The following PMEL variants were observed in gnomAD, a reference collection of about 807,000 sequenced individuals.
PMEL encodes the protein melanocyte protein PMEL.
A neutral mutation model predicts 64.9 loss-of-function variants in PMEL; 53 were observed. That is an observed-to-expected ratio of 0.82 (90% CI 0.66 to 1.03). PMEL has a LOEUF of 1.03. PMEL is among the 50% of genes least tolerant of loss of function. The pLI is 0.00. For synonymous variants in PMEL, 299 were observed against 316.2 expected (o/e 0.95, Z 0.58); for missense variants, 716 against 814.9 (o/e 0.88, Z 1.48).
At chr12:55,964,377 C>A (rs1889209654) in intron 1 of PMEL, among the ~76,000 whole-genome samples, 1 of 151,996 alleles carries the variant, frequency 6.6e-6, no homozygotes, top group Non-Finnish European at 1.5e-5. Flanking sequence ...TCAGGCTGGT[C>A]TCAAACTCCC....
rs1432857197 is a variant in PMEL, at chr12:55,954,151, G to A, written c.*63C>T. ...CAGTTAATAGTAGTCTCCCAGGGAA[G>A]ACTGGGGGAAATATAGGTGTTTCTG... On this transcript the variant is annotated 3_prime_UTR_variant, in exon 11 of 11. Coordinates refer to ENST00000548747, the MANE Select transcript of PMEL (RefSeq NM_001384361.1). The A allele has an allele frequency of 4.8e-6, 7 of 1,467,310 alleles. No individual in the cohort carries two copies. Among genetic ancestry groups the A allele is most frequent in the Non-Finnish European group, 6.5e-6 (7 of 1,074,892 alleles). 90.9% of individuals were successfully genotyped at this position (1,467,310 alleles called of 1,614,324 possible).
At position 55,958,581 on chromosome 12, in the gene PMEL, C is replaced by A. The variant is rs1361351156; in HGVS notation, c.361G>T (p.Val121Leu). 1 of 1,614,092 alleles carries A rather than the reference C, an allele frequency of 6.2e-7. No homozygotes were observed. The highest frequency in any genetic ancestry group is 1.1e-5 in the South Asian group (1 of 91,078). ...GCATCGTCAGTTTCCTGGGGATACA[C>A]TGGCTGTCCTCCCCACACCTGGCTC... ...NGSQVWGGQP[V>L]YPQETDDACI... Residue 121 changes from valine (V) to leucine (L), a missense_variant, in exon 4 of 11, where the codon GTG (valine) becomes TTG (leucine). Transcript: ENST00000548747.
intron 1 of PMEL, among the ~76,000 whole-genome samples, chr12:55,963,228 G>A (rs747998940): frequency 2.0e-5 from 3 of 152,278 alleles, no homozygotes; most frequent in South Asian, 2.1e-4. Flanking sequence ...GGCAAGCAGT[G>A]AGGAGGATGG....
chr12:55,966,515 A>C, upstream of PMEL: 1 of 268,452 alleles, frequency 3.7e-6, no homozygotes, highest in Non-Finnish European at 6.0e-6. Context: ...AGGTCGATAC[A>C]TATTTTCCCC....
chr12:55,960,251 A>G (rs568653311), intron 3 of PMEL, among the ~76,000 whole-genome samples: 48 of 151,372 alleles, frequency 3.2e-4, no homozygotes, highest in East Asian at 1.9e-3. Flanking sequence ...GAAAAGAAAA[A>G]AAAAGAAATG....
chr12:55,955,846 C>G lies in PMEL; in HGVS notation c.1489G>C (p.Glu497Gln), dbSNP rs768939186. 1 of 1,614,044 alleles carries G rather than the reference C, an allele frequency of 6.2e-7. No homozygotes were observed. Reference protein sequence around the residue: ...LDIVQGIESAEILQAVPSGEG... With the variant: ...LDIVQGIESAQILQAVPSGEG... ...CCGGACGGCACAGCCTGCAGGATCT[C>G]GGCACTTTCAATACCCTCTGCAGAG... The change falls in exon 8 of 11, where the codon GAG becomes CAG. Residue 497 changes from glutamate to glutamine, a missense_variant. Physicochemically the swap from Glu to Gln is conservative, Grantham distance 29. Transcript: ENST00000548747.
upstream of PMEL, chr12:55,966,254 G>A (rs1436067698): frequency 3.4e-6 from 2 of 585,920 alleles, no homozygotes; most frequent in Non-Finnish European, 3.0e-6. Flanking sequence ...ATGCACTCCC[G>A]GGCAAGAGCT....
upstream of PMEL, chr12:55,966,607 G>T (rs1027504100): frequency 1.4e-5 from 13 of 909,844 alleles, no homozygotes; most frequent in Non-Finnish European, 1.7e-5. Context: ...ACCCAAAGCA[G>T]GTACTTGGGA....
At chr12:55,956,805 G>A in intron 6 of PMEL, 144 bp downstream of exon 6, 1 of 801,374 alleles carries the variant, frequency 1.2e-6, no homozygotes. Flanking sequence ...GAGACTGGAG[G>A]GCTTTATAGC....
chr12:55,962,125 T>C (rs944400972), intron 1 of PMEL, among the ~76,000 whole-genome samples: 4 of 151,162 alleles, frequency 2.6e-5, no homozygotes, highest in African/African-American at 9.7e-5. Context: ...CGTGAGCCAC[T>C]GCGCCCGGCT....
At chr12:55,962,471 A>C (rs1449926395) in intron 1 of PMEL, among the ~76,000 whole-genome samples, 3 of 134,070 alleles carry the variant, frequency 2.2e-5, no homozygotes, top group Non-Finnish European at 4.7e-5. Flanking sequence ...AAAAAAAAAA[A>C]CACAAAAAAC....
chr12:55,957,943 C>G lies in PMEL; in HGVS notation c.611G>C (p.Ser204Thr), dbSNP rs1247079912. Residue 204 changes from serine (S) to threonine (T), a missense_variant, in exon 5 of 11, where the codon AGC (serine) becomes ACC (threonine). Transcript: ENST00000548747. The stretch of plus-strand genomic sequence containing the variant: ...CTTACCAGTAATGGTGAAGGCTGAG[C>G]TGGAATGAGCAAGAGGCACATAGCT... ...SRSYVPLAHSSSAFTITDQVP... is the reference protein window; with the variant it reads ...SRSYVPLAHSTSAFTITDQVP... 6.2e-7 allele frequency: 1 copy of G among 1,614,056 alleles called. No homozygotes were observed. The highest frequency in any genetic ancestry group is 1.7e-5 in the Admixed American group (1 of 60,002).
rs375835597 is a variant in PMEL at position 55,955,300 on chromosome 12, A to G, written c.1824T>C (p.Ala608=). ...TATATATCAGAGATGCAAGGACCAC[A>G]GCCATCAACACCAGCAAGATGCCCA... The part of the protein sequence containing the change: ...LIVGILLVLM[A]VVLASLIYRR... The change falls in exon 10 of 11, where the codon GCT becomes GCC. Residue 608 remains alanine, a synonymous_variant. Transcript: ENST00000548747. The G allele has an allele frequency of 1.9e-6, 3 of 1,613,162 alleles. No homozygotes were observed. The highest frequency in any genetic ancestry group is 2.2e-5 in the East Asian group (1 of 44,880).
chr12:55,956,509 G>C (rs539650653), intron 6 of PMEL: 12 of 374,582 alleles, frequency 3.2e-5, no homozygotes, highest in Non-Finnish European at 5.4e-5. Context: ...GACATTCAAC[G>C]TGTGTTAACT....
Position 55,956,237 on chromosome 12 carries a change from A to T in PMEL, c.1355-18T>A, listed in dbSNP as rs1449669369. The T allele has an allele frequency of 6.6e-7, 1 of 1,523,944 alleles. No individual in the cohort carries two copies. The highest frequency in any genetic ancestry group is 2.2e-5 in the East Asian group (1 of 44,486). 94.4% of individuals were successfully genotyped at this position (1,523,944 alleles called of 1,614,324 possible). A position where few individuals can be genotyped will look rare whatever the true frequency, so the allele number is the denominator to read the frequency against. ...CAGGGAACCTGGCAGGAGAGGATCA[A>T]GGAGGCAAGATCAAGAGACAGATGA... On this transcript the variant is annotated intron_variant, in intron 6 of 10. Coordinates refer to ENST00000548747, the MANE Select transcript of PMEL (RefSeq NM_001384361.1).
At chr12:55,959,424 TAAAA>T (rs1196628278) in intron 3 of PMEL, among the ~76,000 whole-genome samples, 1 of 148,858 alleles carries the variant, frequency 6.7e-6, no homozygotes, top group Admixed American at 6.7e-5. Context: ...ATAAGAAAAA[TAAAA>T]GAAAAAGAAG....
chr12:55,960,631 C>G (rs1031992475), intron 3 of PMEL, among the ~76,000 whole-genome samples: 4 of 148,314 alleles, frequency 2.7e-5, no homozygotes, highest in African/African-American at 1.0e-4. Context: ...CAAGCTCCAC[C>G]TCCTGGGTTC....
chr12:55,956,515 T>C (rs1312618381), intron 6 of PMEL: 1 of 365,332 alleles, frequency 2.7e-6, no homozygotes, highest in Non-Finnish European at 5.0e-6. Context: ...CAACGTGTGT[T>C]AACTCATTTA....
At position 55,955,648 on chromosome 12, in the gene PMEL, C is replaced by T. The variant is rs1888844213; in HGVS notation, c.1578G>A (p.Met526Ile). ...GCTGGCACCCTGGCGATGAGATCTCCATGCAGGCTTCCTTGGGCAGCCTGG... is the reference window on the plus strand; with the variant it reads ...GCTGGCACCCTGGCGATGAGATCTCTATGCAGGCTTCCTTGGGCAGCCTGG... ...CQGGLPKEAC[M>I]EISSPGCQPP... The change falls in exon 9 of 11, where the codon ATG (methionine) becomes ATA (isoleucine). Residue 526 changes from methionine (M) to isoleucine (I), a missense_variant. Physicochemically the swap from Met to Ile is conservative, Grantham distance 10. Transcript: ENST00000548747. The T allele has an allele frequency of 6.2e-7, 1 of 1,613,008 alleles. No individual in the cohort carries two copies. Among genetic ancestry groups the T allele is most frequent in the Non-Finnish European group, 8.5e-7 (1 of 1,179,336 alleles).
Sources: gnomAD v4.1 joint callset for allele counts (sites outside exome capture counted in the v4.1 genomes callset) on GRCh38, gnomAD v4.1.1 for gene constraint, MANE v1.5 for transcripts, NCBI Gene and HGNC (gene_info 2026-07-23, HGNC 2026-07-21) for gene names.